CSMD1: variants seen among roughly 807,000 people sequenced by gnomAD.
CSMD1 encodes the protein CUB and Sushi multiple domains 1.
CSMD1 carries 213 observed loss-of-function variants against 417.5 expected under a neutral mutation model. The observed-to-expected ratio is 0.51, with a 90% CI of 0.46 to 0.57. The LOEUF (loss-of-function observed/expected upper bound fraction) is 0.57. CSMD1 is among the 20% of genes least tolerant of loss of function. The probability of loss-of-function intolerance (pLI) is 0.00; values close to 1 mark genes in which losing one functional copy is unlikely to be tolerated. For synonymous variants in CSMD1, 2,862 were observed against 1,736.8 expected, an observed-to-expected ratio of 1.65 and a Z score of -16.11; for missense variants, 6,923 against 4,529.7, an observed-to-expected ratio of 1.53 and a Z score of -15.17.
chr8:3,834,248 C>A (rs955838471), intron 5 of CSMD1, among the ~76,000 whole-genome samples: 62 of 152,172 alleles, frequency 4.1e-4, no homozygotes, highest in African/African-American at 1.3e-3. Context: ...CCCCCTCTGT[C>A]CATATATTCT....
intron 5 of CSMD1, among the ~76,000 whole-genome samples, chr8:3,809,321 C>G (rs927668739): frequency 6.6e-6 from 1 of 152,144 alleles, no homozygotes; most frequent in Non-Finnish European, 1.5e-5. Context: ...TTCTTGTTCA[C>G]GATTTTTATC....
intron 3 of CSMD1, among the ~76,000 whole-genome samples, chr8:4,115,839 G>A (rs1000663458): frequency 6.6e-6 from 1 of 151,890 alleles, no homozygotes; most frequent in Non-Finnish European, 1.5e-5. Flanking sequence ...ATCTGAAAAG[G>A]TACATACTGC....
intron 3 of CSMD1, among the ~76,000 whole-genome samples, chr8:4,281,626 C>G (rs1054855548): frequency 1.3e-5 from 2 of 152,090 alleles, no homozygotes; most frequent in African/African-American, 4.8e-5. Flanking sequence ...AAGCTTTTAA[C>G]TTTTATGTTG....
At position 3,229,991 on chromosome 8, in the gene CSMD1, C is replaced by T. The variant is rs368829960; in HGVS notation, c.4345+49G>A. 57 of 1,305,382 alleles carry T rather than the reference C, an allele frequency of 4.4e-5. No homozygotes were observed. In the African/African-American group the frequency reaches 7.3e-4, roughly 17 times the overall value. The allele number at this position is 1,305,382 out of a possible 1,614,324, so 80.9% of individuals were successfully genotyped here. A position where few individuals can be genotyped will look rare whatever the true frequency, so the allele number is the denominator to read the frequency against. On this transcript the variant is annotated intron_variant, in intron 27 of 69. Transcript: ENST00000635120. Reference sequence around the variant, plus strand: ...ATTTACGGAGCGCTTTTAACGACAACATGCATCCATTCCTGAATATAAAAT... The same window carrying T: ...ATTTACGGAGCGCTTTTAACGACAATATGCATCCATTCCTGAATATAAAAT...
Position 4,677,502 on chromosome 8 carries a change from C to A in CSMD1, c.86-39944G>T, listed in dbSNP as rs75489214. On this transcript the variant is annotated intron_variant, in intron 1 of 69. Transcript: ENST00000635120. ...CTCTAATCATTTTTATATGTTCAAG[C>A]CAGAAGAAATTTTCCAGTGAAGGAT... Among the ~76,000 whole-genome samples, 9 of 152,182 alleles carry A rather than the reference C, an allele frequency of 5.9e-5. No homozygotes were observed. The South Asian group carries it at 8.3e-4, about 14-fold the overall frequency.
Position 3,036,076 on chromosome 8 carries a change from C to T in CSMD1, c.7661-6563G>A, listed in dbSNP as rs773786204. Among the ~76,000 whole-genome samples the T allele has an allele frequency of 5.3e-5, 8 of 152,214 alleles. No homozygotes were observed. In the South Asian group the frequency reaches 8.3e-4, roughly 16 times the overall value. On this transcript the variant is annotated intron_variant, in intron 50 of 69. Transcript: ENST00000635120. ...GTTGAAAGTATAAACAATATATAGT[C>T]CTGTGCATAAAAGACACATTGCCCT...
intron 3 of CSMD1, among the ~76,000 whole-genome samples, chr8:4,334,707 A>C (rs1377927044): frequency 1.3e-5 from 2 of 152,140 alleles, no homozygotes; most frequent in African/African-American, 2.4e-5. Context: ...CTTACCATGA[A>C]AAATAATTTT....
chr8:3,497,091 T>A (rs1425910510), intron 10 of CSMD1, among the ~76,000 whole-genome samples: 1 of 152,206 alleles, frequency 6.6e-6, no homozygotes, highest in Non-Finnish European at 1.5e-5. Flanking sequence ...ATTCATACCA[T>A]GTACTGATGA....
At chr8:4,092,181 A>G (rs2130850563) in intron 3 of CSMD1, among the ~76,000 whole-genome samples, 1 of 152,340 alleles carries the variant, frequency 6.6e-6, no homozygotes, top group Non-Finnish European at 1.5e-5. Flanking sequence ...TTCAAAATCC[A>G]TTGAAATTAA....
At chr8:4,434,730 G>T (rs192967170) in intron 2 of CSMD1, among the ~76,000 whole-genome samples, 1 of 152,074 alleles carries the variant, frequency 6.6e-6, no homozygotes, top group Admixed American at 6.6e-5. Context: ...GTGCTCATCC[G>T]GTGATTTTGG....
intron 15 of CSMD1, among the ~76,000 whole-genome samples, chr8:3,399,971 C>T (rs1337593968): frequency 6.6e-6 from 1 of 152,108 alleles, no homozygotes; most frequent in Non-Finnish European, 1.5e-5. Flanking sequence ...TATTTACTTC[C>T]ATTGTGTGCA....
intron 3 of CSMD1, among the ~76,000 whole-genome samples, chr8:4,037,176 T>G (rs1484524105): frequency 6.6e-6 from 1 of 152,244 alleles, no homozygotes; most frequent in Non-Finnish European, 1.5e-5. Context: ...TGTTCAATAT[T>G]AGAAGTGTTT....
intron 5 of CSMD1, among the ~76,000 whole-genome samples, chr8:3,966,334 C>A (rs1812676454): frequency 6.6e-6 from 1 of 152,158 alleles, no homozygotes. Flanking sequence ...GCATCTTGCT[C>A]AGTCATCATT....
At chr8:4,071,896 C>T (rs754751415) in intron 3 of CSMD1, among the ~76,000 whole-genome samples, 1 of 152,152 alleles carries the variant, frequency 6.6e-6, no homozygotes, top group African/African-American at 2.4e-5. Context: ...GGAATCTGCT[C>T]CACTTAGGCA....
intron 1 of CSMD1, among the ~76,000 whole-genome samples, chr8:4,730,417 G>A (rs116136520): frequency 0.018 from 2,813 of 152,146 alleles, 41 homozygotes; most frequent in African/African-American, 0.031. Context: ...TGAGTTAGGT[G>A]GGGTCATTCA....
intron 12 of CSMD1, among the ~76,000 whole-genome samples, chr8:3,415,203 A>G (rs775111630): frequency 3.3e-5 from 5 of 152,232 alleles, no homozygotes; most frequent in Non-Finnish European, 7.3e-5. Context: ...ACGTATCATA[A>G]TGGCTAAGCA....
chr8:4,766,091 T>G (rs6984639), intron 1 of CSMD1, among the ~76,000 whole-genome samples: 78,526 of 151,998 alleles, frequency 0.52, 20,645 homozygotes, highest in Admixed American at 0.65. Context: ...TTTCAAAGGT[T>G]ATTACATTAA....
intron 1 of CSMD1, among the ~76,000 whole-genome samples, chr8:4,902,824 T>C (rs1435460456): frequency 6.6e-6 from 1 of 151,992 alleles, no homozygotes; most frequent in Non-Finnish European, 1.5e-5. Flanking sequence ...TCACAAAATA[T>C]ACATACATAC....
At chr8:2,965,579 C>A (rs181076999) in intron 59 of CSMD1, among the ~76,000 whole-genome samples, 196 bp downstream of exon 59, 5 of 152,224 alleles carry the variant, frequency 3.3e-5, no homozygotes, top group Admixed American at 1.3e-4. Flanking sequence ...CTCTACCTCG[C>A]TATGAGTTAG....
Sources: gnomAD v4.1 joint callset for allele counts (sites outside exome capture counted in the v4.1 genomes callset) on GRCh38, gnomAD v4.1.1 for gene constraint, MANE v1.5 for transcripts, NCBI Gene and HGNC (gene_info 2026-07-23, HGNC 2026-07-21) for gene names.